SPATA6: variants seen among roughly 807,000 people sequenced by gnomAD.
The protein encoded by SPATA6 is spermatogenesis associated 6.
Under a neutral mutation model 65.3 loss-of-function variants are expected in SPATA6, and 56 were observed. The ratio of observed to expected loss-of-function variants is 0.86; its 90% CI spans 0.69 to 1.07. The LOEUF (loss-of-function observed/expected upper bound fraction) is 1.07. Among genes scored for constraint, SPATA6 ranks in the 50% least tolerant of loss-of-function variants. The pLI is 0.00. For missense variants in SPATA6, 590 were observed against 594.8 expected (o/e 0.99, Z 0.08); for synonymous variants, 199 against 213.2 (o/e 0.93, Z 0.58).
At chr1:48,367,470 C>T (rs1647061333) in intron 9 of SPATA6, among the ~76,000 whole-genome samples, 2 of 152,186 alleles carry the variant, frequency 1.3e-5, no homozygotes, top group South Asian at 4.1e-4. Context: ...CTTTATGAAT[C>T]TGCATGCTCC....
In SPATA6 at chr1:48,417,833, C is replaced by CA. The variant is rs537496166; in HGVS notation, c.239-4683dup. ...ACAGAGCGAGACTCCATCTCAAAAACAAAAAAACAAAACAAAACAAAAAAA... is the reference window on the plus strand; with the variant it reads ...ACAGAGCGAGACTCCATCTCAAAAACAAAAAAAACAAAACAAAACAAAAAAA... On this transcript the variant is annotated intron_variant, in intron 3 of 12. Coordinates refer to ENST00000371847, the MANE Select transcript of SPATA6 (RefSeq NM_019073.4). Among the ~76,000 whole-genome samples, 155 of 151,842 alleles carry CA rather than the reference C, an allele frequency of 1.0e-3. 3 individuals are homozygous for CA. In the East Asian group the frequency reaches 0.022, roughly 21 times the overall value.
Position 48,364,671 on chromosome 1 carries a change from T to G in SPATA6, c.910-4901A>C, listed in dbSNP as rs529535447. ...GTTGTTTTTTTCTTGTAAATTTGTT[T>G]GAGTTCATTGTAGATTCTGGATGTT... On this transcript the variant is annotated intron_variant, in intron 9 of 12. Transcript: ENST00000371847. 3.3e-5 allele frequency among the ~76,000 whole-genome samples: 5 copies of G among 152,350 alleles called. No individual in the cohort carries two copies. In the East Asian group the frequency reaches 9.6e-4, roughly 29 times the overall value.
At chr1:48,327,566 T>C (rs191224088) in intron 11 of SPATA6, among the ~76,000 whole-genome samples, 2 of 152,166 alleles carry the variant, frequency 1.3e-5, no homozygotes, top group Admixed American at 1.3e-4. Flanking sequence ...TGCAGCACTG[T>C]TGATAATAAC....
intron 3 of SPATA6, among the ~76,000 whole-genome samples, chr1:48,415,221 T>C (rs1427752754): frequency 2.0e-5 from 3 of 152,120 alleles, no homozygotes; most frequent in Non-Finnish European, 4.4e-5. Context: ...ATAACAAGGG[T>C]GATGACAGTC....
chr1:48,269,176 G>T, the SPATA6 span, among the ~76,000 whole-genome samples: 1 of 151,854 alleles, frequency 6.6e-6, no homozygotes, highest in Non-Finnish European at 1.5e-5. Context: ...TTTTCTATAC[G>T]TATTCAAATA....
chr1:48,345,213 G>C (rs908025424), intron 11 of SPATA6, among the ~76,000 whole-genome samples: 1 of 151,850 alleles, frequency 6.6e-6, no homozygotes, highest in African/African-American at 2.4e-5. Context: ...CAATTACATA[G>C]AAATTGAACA....
intron 11 of SPATA6, among the ~76,000 whole-genome samples, chr1:48,331,137 CAGA>C (rs1645904096): frequency 6.6e-6 from 1 of 152,130 alleles, no homozygotes; most frequent in African/African-American, 2.4e-5. Context: ...AGATGATAAA[CAGA>C]AGAACTCTGA....
At chr1:48,307,145 G>T in intron 11 of SPATA6, among the ~76,000 whole-genome samples, 1 of 151,428 alleles carries the variant, frequency 6.6e-6, no homozygotes, top group East Asian at 1.9e-4. Context: ...GAGTGTGAAA[G>T]ACTTGGCAAA....
chr1:48,295,026 T>C (rs114949334), downstream of SPATA6, among the ~76,000 whole-genome samples: 1,237 of 152,322 alleles, frequency 8.1e-3, 8 homozygotes, highest in Admixed American at 0.015. Flanking sequence ...TAAAGATACA[T>C]TTTTATATAC....
At chr1:48,465,650 G>A (rs1227122930) in intron 1 of SPATA6, among the ~76,000 whole-genome samples, 1 of 152,078 alleles carries the variant, frequency 6.6e-6, no homozygotes, top group Non-Finnish European at 1.5e-5. Flanking sequence ...AGACTACACT[G>A]GAAGATATAT....
chr1:48,418,837 G>A (rs572760385), intron 3 of SPATA6, among the ~76,000 whole-genome samples: 4 of 145,510 alleles, frequency 2.7e-5, no homozygotes, highest in Non-Finnish European at 6.0e-5. Context: ...GGGAAAGAGA[G>A]AGAGAGGAGA....
intron 9 of SPATA6, among the ~76,000 whole-genome samples, chr1:48,364,402 G>C (rs1646926413): frequency 6.6e-6 from 1 of 152,186 alleles, no homozygotes; most frequent in African/African-American, 2.4e-5. Flanking sequence ...GGTTGAACTA[G>C]TTTACAGTCC....
chr1:48,335,446 A>G (rs1413225245), intron 11 of SPATA6, among the ~76,000 whole-genome samples: 5 of 152,124 alleles, frequency 3.3e-5, no homozygotes, highest in Non-Finnish European at 7.4e-5. Flanking sequence ...GTAGACACAT[A>G]GGCCAATAGA....
In SPATA6 at chr1:48,471,018, C is replaced by T. The variant is rs1658197092; in HGVS notation, c.51+940G>A. Among the ~76,000 whole-genome samples, 3 of 152,116 alleles carry T rather than the reference C, an allele frequency of 2.0e-5. No individual in the cohort carries two copies. The South Asian group carries it at 6.2e-4, about 32-fold the overall frequency. ...TTGTGGAGATTTCCTCCAGAACAGA[C>T]AAGCGGGAGTATTCCTCTAAACAGG... On this transcript the variant is annotated intron_variant, in intron 1 of 12. Coordinates refer to ENST00000371847, the MANE Select transcript of SPATA6 (RefSeq NM_019073.4).
intron 3 of SPATA6, among the ~76,000 whole-genome samples, chr1:48,434,138 G>A (rs181985805): frequency 1.1e-3 from 164 of 151,772 alleles, no homozygotes; most frequent in African/African-American, 3.7e-3. Context: ...AGTTCCAACA[G>A]TCATAAAAAT....
At chr1:48,348,835 TCA>T (rs1646440572) in intron 11 of SPATA6, among the ~76,000 whole-genome samples, 1 of 152,070 alleles carries the variant, frequency 6.6e-6, no homozygotes, top group Non-Finnish European at 1.5e-5. Flanking sequence ...TAACCCAACA[TCA>T]CAGAGTTCAT....
intron 8 of SPATA6, among the ~76,000 whole-genome samples, chr1:48,390,000 C>T (rs1036450472): frequency 1.3e-5 from 2 of 151,990 alleles, no homozygotes; most frequent in Non-Finnish European, 2.9e-5. Context: ...ATGGCAGGAA[C>T]AAAACCACAC....
the SPATA6 span, among the ~76,000 whole-genome samples, chr1:48,263,763 A>G: frequency 6.6e-6 from 1 of 152,186 alleles, no homozygotes; most frequent in African/African-American, 2.4e-5. Flanking sequence ...CTTTTCAAGT[A>G]TTTATTTCAT....
intron 3 of SPATA6, among the ~76,000 whole-genome samples, chr1:48,439,541 G>C (rs1655268758): frequency 6.6e-6 from 1 of 152,098 alleles, no homozygotes; most frequent in South Asian, 2.1e-4. Flanking sequence ...GGGACCATTT[G>C]GGTTCTTGGG....
Sources: gnomAD v4.1 joint callset for allele counts (sites outside exome capture counted in the v4.1 genomes callset) on GRCh38, gnomAD v4.1.1 for gene constraint, MANE v1.5 for transcripts, NCBI Gene and HGNC (gene_info 2026-07-23, HGNC 2026-07-21) for gene names.